SLC35B1: variants seen among roughly 807,000 people sequenced by gnomAD.
SLC35B1 encodes the protein ATP/ADP exchanger ER.
A neutral mutation model predicts 36.6 loss-of-function variants in SLC35B1; 27 were observed. The ratio of observed to expected loss-of-function variants is 0.74; its 90% CI spans 0.54 to 1.02. The LOEUF (loss-of-function observed/expected upper bound fraction) is 1.02. SLC35B1 is among the 50% of genes least tolerant of loss of function. SLC35B1 has a pLI of 0.00. For synonymous variants in SLC35B1, 162 were observed against 152.5 expected (o/e 1.06, Z -0.46); for missense variants, 321 against 383.2 (o/e 0.84, Z 1.35).
chr17:49,705,940 G>A, intron 3 of SLC35B1, 44 bp from the exon 4 acceptor site: 1 of 1,594,654 alleles, frequency 6.3e-7, no homozygotes, highest in South Asian at 1.1e-5. Flanking sequence ...TCTGTGATGT[G>A]TCAGGTACTA....
At chr17:49,706,376 G>GAAAACA in intron 2 of SLC35B1, 42 bp from the exon 3 acceptor site, 2 of 517,126 alleles carry the variant, frequency 3.9e-6, no homozygotes, top group African/African-American at 3.1e-5. Flanking sequence ...GAAAAGAAAA[G>GAAAACA]AAAAAAAAAA....
chr17:49,704,783 A>G (rs1444914287), intron 5 of SLC35B1, among the ~76,000 whole-genome samples: 4 of 152,196 alleles, frequency 2.6e-5, no homozygotes, highest in Non-Finnish European at 5.9e-5. Context: ...AGCTACTATC[A>G]TATTATTTTA....
intron 6 of SLC35B1, chr17:49,703,800 C>A (rs548845263): frequency 2.5e-6 from 1 of 397,180 alleles, no homozygotes; most frequent in Admixed American, 3.7e-5. Context: ...GTGAGCACTA[C>A]GTGTGTCTCA....
intron 6 of SLC35B1, 168 bp from the exon 7 acceptor site, chr17:49,703,462 A>G: frequency 1.7e-6 from 1 of 575,268 alleles, no homozygotes; most frequent in South Asian, 1.9e-5. Context: ...TCGTCTCATC[A>G]TTGATTCTTC....
rs138147992 is a variant in SLC35B1, at chr17:49,706,366, G to A, written c.209-32C>T. 0.015 allele frequency: 6,971 copies of A among 453,964 alleles called. 2 individuals carry two copies. Among genetic ancestry groups the A allele is most frequent in the South Asian group, 0.06 (990 of 16,532 alleles). 28.1% of individuals were successfully genotyped at this position (453,964 alleles called of 1,614,324 possible). A position where few individuals can be genotyped will look rare whatever the true frequency, so the allele number is the denominator to read the frequency against. ...GAAGACAAAAAAAAAAAAAAAAAAA[G>A]AAAAGAAAAGAAAAAAAAAAAAAAA... On this transcript the variant is annotated intron_variant, in intron 2 of 8. Coordinates refer to ENST00000240333, the MANE Select transcript of SLC35B1 (RefSeq NM_005827.4).
upstream of SLC35B1, chr17:49,708,051 T>A: frequency 9.4e-7 from 1 of 1,061,076 alleles, no homozygotes; most frequent in Non-Finnish European, 1.4e-6. Flanking sequence ...AACCACTTCC[T>A]AGGAAAGAAA....
At chr17:49,706,071 A>G (rs973948353) in intron 3 of SLC35B1, 133 bp downstream of exon 3, 11 of 1,329,172 alleles carry the variant, frequency 8.3e-6, no homozygotes, top group Non-Finnish European at 1.0e-5. Context: ...CTATGGTTCT[A>G]TACACTCCCA....
In SLC35B1 at chr17:49,707,910, A is replaced by C; in HGVS notation, c.-77T>G. On this transcript the variant is annotated 5_prime_UTR_variant, in exon 1 of 9. Transcript: ENST00000240333. Reference sequence around the variant, plus strand: ...CAGCGGCGGCGGAGGCGACAGCTCCAGCCGGACATCGCCGACCGGCGGCAG... The same window carrying C: ...CAGCGGCGGCGGAGGCGACAGCTCCCGCCGGACATCGCCGACCGGCGGCAG... 1.3e-6 allele frequency: 2 copies of C among 1,588,686 alleles called. No homozygotes were observed. The highest frequency in any genetic ancestry group is 1.7e-6 in the Non-Finnish European group (2 of 1,168,020).
intron 5 of SLC35B1, 33 bp from the exon 6 acceptor site, chr17:49,704,259 T>C: frequency 1.2e-6 from 2 of 1,608,378 alleles, no homozygotes; most frequent in South Asian, 2.2e-5. Context: ...TGCAGTGAAG[T>C]GGCCAACAGG....
Position 49,704,150 on chromosome 17 carries a change from T to C in SLC35B1, c.605A>G (p.Asn202Ser), listed in dbSNP as rs758499698. 3 of 1,614,082 alleles carry C rather than the reference T, an allele frequency of 1.9e-6. No homozygotes were observed. Among genetic ancestry groups the C allele is most frequent in the South Asian group, 1.1e-5 (1 of 91,092 alleles). The change falls in exon 6 of 9, where the codon AAC becomes AGC. Residue 202 changes from asparagine (N) to serine (S), a missense_variant. Transcript: ENST00000240333. Reference protein sequence around the residue: ...HMRAHYQTGSNHMMLNINLWS... With the variant: ...HMRAHYQTGSSHMMLNINLWS... ...AAGGTTGATGTTCAGCATCATGTGGTTGGAGCCTGTTTGGTAATGAGCCCG... is the reference window on the plus strand; with the variant it reads ...AAGGTTGATGTTCAGCATCATGTGGCTGGAGCCTGTTTGGTAATGAGCCCG...
chr17:49,707,166 T>C (rs2073429583), intron 1 of SLC35B1, 98 bp from the exon 2 acceptor site: 2 of 1,363,550 alleles, frequency 1.5e-6, no homozygotes, highest in Non-Finnish European at 2.1e-6. Context: ...AAAATTATCT[T>C]GCCTCTCTGG....
intron 4 of SLC35B1, 25 bp from the exon 5 acceptor site, chr17:49,705,306 A>C (rs772019412): frequency 6.2e-7 from 1 of 1,612,228 alleles, no homozygotes; most frequent in Non-Finnish European, 8.5e-7. Flanking sequence ...CAGAGTGGAA[A>C]ATTCAGGCAT....
rs771131064 is a variant in SLC35B1, at chr17:49,701,158, C to T, written c.*300G>A. The T allele has an allele frequency of 3.5e-5, 10 of 289,334 alleles. No individual in the cohort carries two copies. Among genetic ancestry groups the T allele is most frequent in the Non-Finnish European group, 5.9e-5 (9 of 151,316 alleles). The allele number at this position is 289,334 out of a possible 1,614,324, so 17.9% of individuals were successfully genotyped here. A position where few individuals can be genotyped will look rare whatever the true frequency, so the allele number is the denominator to read the frequency against. On this transcript the variant is annotated 3_prime_UTR_variant, in exon 9 of 9. Transcript: ENST00000240333. ...CTCAGGTTCTTGGAGGAATCGCCCACTCAACCATGCTAACCACACCCGTGA... is the reference window on the plus strand; with the variant it reads ...CTCAGGTTCTTGGAGGAATCGCCCATTCAACCATGCTAACCACACCCGTGA...
At chr17:49,702,755 G>C (rs1233128252) in intron 8 of SLC35B1, 103 bp downstream of exon 8, 3 of 1,325,574 alleles carry the variant, frequency 2.3e-6, no homozygotes, top group East Asian at 5.1e-5. Flanking sequence ...TCAAAAAAAA[G>C]AGAAAAGTTT....
intron 1 of SLC35B1, 159 bp downstream of exon 1, chr17:49,707,571 T>C: frequency 1.3e-5 from 19 of 1,470,438 alleles, no homozygotes; most frequent in Non-Finnish European, 1.7e-5. Flanking sequence ...GTTCTGGAAT[T>C]CTGGGTAGGC....
chr17:49,703,423 C>T (rs1460882097), intron 6 of SLC35B1, 129 bp from the exon 7 acceptor site: 12 of 681,816 alleles, frequency 1.8e-5, no homozygotes, highest in South Asian at 1.2e-4. Flanking sequence ...GGAGGTGGGA[C>T]GCGGGAAAGT....
At chr17:49,708,014 C>G (rs1486944614), upstream of SLC35B1, 1 of 1,352,082 alleles carries the variant, frequency 7.4e-7, no homozygotes, top group East Asian at 2.5e-5. Flanking sequence ...TCATGGCTGC[C>G]AAGGGGGAAA....
chr17:49,701,959 G>A (rs761774713), intron 8 of SLC35B1: 21 of 372,906 alleles, frequency 5.6e-5, no homozygotes, highest in South Asian at 4.0e-4. Flanking sequence ...CAGGTATTGT[G>A]GTACATGCCT....
rs766245732 is a variant in SLC35B1, at chr17:49,705,164, C to A, written c.488G>T (p.Gly163Val). 1.9e-6 allele frequency: 3 copies of A among 1,614,018 alleles called. No individual in the cohort carries two copies. The African/African-American group carries it at 4.0e-5, about 22-fold the overall frequency. ...LFMYKPKKVV[G>V]IEEHTVGYGE... ...ATAGCCGACTGTGTGTTCTTCTATC[C>A]CAACAACTTTCTTGGGTTTGTACAT... Residue 163 changes from glycine to valine, a missense_variant, in exon 5 of 9, where the codon GGG becomes GTG. Transcript: ENST00000240333.
Sources: gnomAD v4.1 joint callset for allele counts (sites outside exome capture counted in the v4.1 genomes callset) on GRCh38, gnomAD v4.1.1 for gene constraint, MANE v1.5 for transcripts, NCBI Gene and HGNC (gene_info 2026-07-23, HGNC 2026-07-21) for gene names.